CACNA1C: variants seen among roughly 807,000 people sequenced by gnomAD.
CACNA1C encodes calcium voltage-gated channel subunit alpha1 C.
CACNA1C carries 30 observed loss-of-function variants against 229.0 expected under a neutral mutation model. The observed-to-expected ratio is 0.13, with a 90% CI of 0.10 to 0.18. The LOEUF is 0.18. CACNA1C is among the 10% of genes least tolerant of loss of function. The pLI is 1.00. For missense variants in CACNA1C, 1,658 were observed against 2,845.0 expected (o/e 0.58, Z 9.49); for synonymous variants, 1,114 against 1,132.5 (o/e 0.98, Z 0.33).
intron 3 of CACNA1C, among the ~76,000 whole-genome samples, chr12:2,165,289 A>T (rs2096153213): frequency 6.6e-6 from 1 of 152,230 alleles, no homozygotes; most frequent in South Asian, 2.1e-4. Flanking sequence ...CTATTTTAAC[A>T]AGACACTTCA....
At chr12:2,422,229 AAG>A (rs1311100958) in intron 3 of CACNA1C, among the ~76,000 whole-genome samples, 1 of 152,194 alleles carries the variant, frequency 6.6e-6, no homozygotes, top group East Asian at 1.9e-4. Context: ...TAGGAGGAGA[AAG>A]AGAGGAGGAG....
chr12:2,304,469 G>A (rs574014664), intron 3 of CACNA1C, among the ~76,000 whole-genome samples: 5 of 152,314 alleles, frequency 3.3e-5, no homozygotes, highest in South Asian at 4.1e-4. Context: ...TTCTGAGAGC[G>A]TGAAATCACC....
chr12:2,270,805 G>A (rs2084611843), intron 3 of CACNA1C, among the ~76,000 whole-genome samples: 2 of 152,186 alleles, frequency 1.3e-5, no homozygotes, highest in African/African-American at 2.4e-5. Context: ...TTTGGGTGAA[G>A]TCTTACTCCA....
intron 13 of CACNA1C, among the ~76,000 whole-genome samples, chr12:2,578,181 C>T (rs2059254194): frequency 1.3e-5 from 2 of 152,174 alleles, no homozygotes; most frequent in Non-Finnish European, 2.9e-5. Flanking sequence ...AGTAATTATT[C>T]TTTGAGAGTA....
chr12:2,408,944 C>A (rs1419851085), intron 3 of CACNA1C, among the ~76,000 whole-genome samples: 1 of 152,230 alleles, frequency 6.6e-6, no homozygotes, highest in East Asian at 1.9e-4. Flanking sequence ...TCCGTGACAT[C>A]CCCTTCCTCA....
At chr12:2,626,466 C>T (rs1035175863) in intron 29 of CACNA1C, among the ~76,000 whole-genome samples, 6 of 152,188 alleles carry the variant, frequency 3.9e-5, no homozygotes, top group Non-Finnish European at 8.8e-5. Flanking sequence ...GGAGAGATTG[C>T]TCCTCCTTGT....
Position 2,597,487 on chromosome 12 carries a change from T to C in CACNA1C, c.2853+198T>C. 6.2e-7 allele frequency: 1 copy of C among 1,602,314 alleles called. No individual in the cohort carries two copies. Among genetic ancestry groups the C allele is most frequent in the Non-Finnish European group, 8.6e-7 (1 of 1,169,242 alleles). On this transcript the variant is annotated intron_variant, in intron 21 of 46. Transcript: ENST00000399655. The surrounding 1 kb of genome is among the most constrained non-coding windows in gnomAD (Gnocchi z 4.3). ...TCACTAGTATCTTTACATTAGAAAT[T>C]ATCCTTAAGGTAATGCAACCTGGGC...
intron 3 of CACNA1C, among the ~76,000 whole-genome samples, chr12:2,208,976 AC>A (rs2097842156): frequency 6.6e-6 from 1 of 151,940 alleles, no homozygotes; most frequent in South Asian, 2.1e-4. Flanking sequence ...CCTGGGCCTC[AC>A]CCCCATCCAG....
chr12:2,418,604 T>C (rs2098940944), intron 3 of CACNA1C, among the ~76,000 whole-genome samples: 2 of 151,898 alleles, frequency 1.3e-5, no homozygotes, highest in African/African-American at 4.8e-5. Context: ...ATGTTCCAGT[T>C]ATGCACCACA....
intron 29 of CACNA1C, among the ~76,000 whole-genome samples, chr12:2,625,480 G>A (rs1176363847): frequency 6.6e-6 from 1 of 152,184 alleles, no homozygotes; most frequent in Non-Finnish European, 1.5e-5. Context: ...GCCCTGCGCT[G>A]GGTCAGCCTG....
intron 1 of CACNA1C, among the ~76,000 whole-genome samples, chr12:2,070,732 A>G (rs2060867101): frequency 6.6e-6 from 1 of 152,216 alleles, no homozygotes; most frequent in Non-Finnish European, 1.5e-5. Flanking sequence ...ACATAGATTA[A>G]AATATATTGC....
At chr12:2,619,541 A>G (rs1478890875) in intron 29 of CACNA1C, among the ~76,000 whole-genome samples, 1 of 152,134 alleles carries the variant, frequency 6.6e-6, no homozygotes, top group African/African-American at 2.4e-5. Context: ...GCTCATCTTA[A>G]TGCATCCTTG....
chr12:2,585,532 G>A lies in CACNA1C; in HGVS notation c.2460+36G>A, dbSNP rs754283764. On this transcript the variant is annotated intron_variant, in intron 17 of 46. Transcript: ENST00000399655. The surrounding 1 kb of genome is among the most constrained non-coding windows in gnomAD (Gnocchi z 4.1). ...GTCTCCTTCCTGGAGCTGTGAGGCCGGTGCTGGGGAGGGAGGGCCACAGCC... is the reference window on the plus strand; with the variant it reads ...GTCTCCTTCCTGGAGCTGTGAGGCCAGTGCTGGGGAGGGAGGGCCACAGCC... 7.2e-6 allele frequency: 11 copies of A among 1,518,462 alleles called. No homozygotes were observed. Among genetic ancestry groups the A allele is most frequent in the African/African-American group, 4.1e-5 (3 of 72,330 alleles). The allele number at this position is 1,518,462 out of a possible 1,614,324, so 94.1% of individuals were successfully genotyped here.
Position 2,585,981 on chromosome 12 carries a change from C to CA in CACNA1C, c.2530+77_2530+78insA. Reference sequence around the variant, plus strand: ...AAATTCTAAAGCCACGTGGGAGTGGCCATATATTAGGGACCATGGTTCCAG... The same window carrying CA: ...AAATTCTAAAGCCACGTGGGAGTGGCACATATATTAGGGACCATGGTTCCAG... On this transcript the variant is annotated intron_variant, in intron 18 of 46. Coordinates refer to ENST00000399655, the MANE Select transcript of CACNA1C (RefSeq NM_000719.7). The surrounding 1 kb of genome is among the most constrained non-coding windows in gnomAD (Gnocchi z 4.1). The CA allele has an allele frequency of 1.2e-6, 1 of 835,296 alleles. No individual in the cohort carries two copies. The highest frequency in any genetic ancestry group is 1.9e-6 in the Non-Finnish European group (1 of 533,118). 51.7% of individuals were successfully genotyped at this position (835,296 alleles called of 1,614,324 possible).
chr12:1,976,554 A>G (rs1355995492), intron 1 of CACNA1C, among the ~76,000 whole-genome samples: 1 of 152,162 alleles, frequency 6.6e-6, no homozygotes, highest in Non-Finnish European at 1.5e-5. Context: ...GAATGAGTCT[A>G]CTTTAAGGTC....
intron 3 of CACNA1C, among the ~76,000 whole-genome samples, chr12:2,255,708 C>G (rs1429909514): frequency 1.3e-5 from 2 of 151,952 alleles, no homozygotes; most frequent in South Asian, 2.1e-4. Context: ...TGAGATTCCT[C>G]CTCATTGGAC....
chr12:2,628,092 G>T (rs553619956), intron 29 of CACNA1C, among the ~76,000 whole-genome samples: 2 of 152,340 alleles, frequency 1.3e-5, no homozygotes, highest in East Asian at 3.9e-4. Flanking sequence ...AAAGGTGTGC[G>T]GACTTCGTCG....
chr12:2,262,179 A>C (rs1005591339), intron 3 of CACNA1C, among the ~76,000 whole-genome samples: 7 of 152,250 alleles, frequency 4.6e-5, no homozygotes, highest in Admixed American at 4.6e-4. Flanking sequence ...GCTAAGATGC[A>C]GGCTAGAGTC....
chr12:2,228,811 A>G (rs1247603080), intron 3 of CACNA1C, among the ~76,000 whole-genome samples: 1 of 152,156 alleles, frequency 6.6e-6, no homozygotes, highest in Non-Finnish European at 1.5e-5. Flanking sequence ...CTTGAATCAG[A>G]TATGCCCCAG....
Sources: allele counts gnomAD v4.1 joint callset (sites outside exome capture counted in the v4.1 genomes callset), GRCh38; gene constraint gnomAD v4.1.1; non-coding constraint Gnocchi (gnomAD v3.1); transcripts MANE v1.5; gene names NCBI Gene and HGNC (gene_info 2026-07-23, HGNC 2026-07-21).